Variants in INTU observed in about 807,000 individuals in gnomAD.
INTU encodes the protein protein inturned.
In INTU, 68 loss-of-function variants were observed where a neutral mutation model predicts 100.5. The observed-to-expected ratio is 0.68, with a 90% CI of 0.56 to 0.83. The LOEUF is 0.83. Ranked by LOEUF, INTU falls within the 40% of genes least tolerant of loss-of-function variation. The probability of loss-of-function intolerance (pLI) is 0.00; values close to 1 mark genes in which losing one functional copy is unlikely to be tolerated. For missense variants in INTU, 1,071 were observed against 1,114.7 expected (o/e 0.96, Z 0.56); for synonymous variants, 357 against 395.7 (o/e 0.90, Z 1.16).
rs1050089889 is a variant in INTU, at chr4:127,725,652, C to T, written c.*9216C>T. On this transcript the variant is annotated 3_prime_UTR_variant, in exon 16 of 16. Coordinates refer to ENST00000335251, the MANE Select transcript of INTU (RefSeq NM_015693.4). ...TCCTGGTGTCAGAGAAACATGAGACCATCGCTCAATAATGGAAATAAAAAG... is the reference window on the plus strand; with the variant it reads ...TCCTGGTGTCAGAGAAACATGAGACTATCGCTCAATAATGGAAATAAAAAG... 15 of 152,166 alleles carry T rather than the reference C, an allele frequency of 9.9e-5. No individual in the cohort carries two copies. The highest frequency in any genetic ancestry group is 3.6e-4 in the African/African-American group (15 of 41,514). The allele number at this position is 152,166 out of a possible 1,614,324, so 9.4% of individuals were successfully genotyped here.
chr4:127,661,699 A>G (rs1278418283), intron 3 of INTU, among the ~76,000 whole-genome samples: 2 of 152,142 alleles, frequency 1.3e-5, no homozygotes, highest in African/African-American at 4.8e-5. Flanking sequence ...AATTCCCCAA[A>G]GAGTTCTCAA....
chr4:127,653,002 T>G (rs1457398305), intron 2 of INTU, among the ~76,000 whole-genome samples: 2 of 151,660 alleles, frequency 1.3e-5, no homozygotes, highest in Non-Finnish European at 2.9e-5. Context: ...TTCTAGTTTA[T>G]TTGCGTAGAG....
At chr4:127,711,136 G>C (rs1348727589) in intron 14 of INTU, 34 bp downstream of exon 14, 1 of 1,446,120 alleles carries the variant, frequency 6.9e-7, no homozygotes. Flanking sequence ...TTTTCTGCCA[G>C]TTTAATTTCC....
At chr4:127,664,408 T>C (rs1288827420) in intron 4 of INTU, among the ~76,000 whole-genome samples, 1 of 152,060 alleles carries the variant, frequency 6.6e-6, no homozygotes, top group Non-Finnish European at 1.5e-5. Context: ...TCAAGTTTTA[T>C]CTTTTATTGG....
At chr4:127,645,843 C>G (rs942562725) in intron 2 of INTU, among the ~76,000 whole-genome samples, 5 of 152,144 alleles carry the variant, frequency 3.3e-5, no homozygotes, top group African/African-American at 9.6e-5. Context: ...GGATTACAGG[C>G]GTGAGCCACC....
intron 5 of INTU, among the ~76,000 whole-genome samples, chr4:127,669,407 T>A (rs1195895951): frequency 6.6e-6 from 1 of 151,780 alleles, no homozygotes; most frequent in Non-Finnish European, 1.5e-5. Context: ...GAAGTGTAGA[T>A]TCTCAACACA....
At chr4:127,678,394 G>A (rs568080489) in intron 6 of INTU, among the ~76,000 whole-genome samples, 51 of 152,240 alleles carry the variant, frequency 3.3e-4, no homozygotes, top group Non-Finnish European at 6.3e-4. Context: ...CAGACTAACA[G>A]TGGATCTCTC....
At position 127,700,079 on chromosome 4, in the gene INTU, G is replaced by T; in HGVS notation, c.1503+16G>T. The T allele has an allele frequency of 6.3e-7, 1 of 1,584,486 alleles. No homozygotes were observed. Among genetic ancestry groups the T allele is most frequent in the Non-Finnish European group, 8.6e-7 (1 of 1,161,672 alleles). The stretch of plus-strand genomic sequence containing the variant: ...TGCAGAACTGGTAAGGGAAGGAGTG[G>T]ATTTTATAAAAGGCTCAATGTTGAA... On this transcript the variant is annotated intron_variant, in intron 9 of 15. Coordinates refer to ENST00000335251, the MANE Select transcript of INTU (RefSeq NM_015693.4).
chr4:127,653,198 G>A (rs1366277176), intron 2 of INTU, among the ~76,000 whole-genome samples: 142 of 130,704 alleles, frequency 1.1e-3, no homozygotes, highest in African/African-American at 2.6e-3. Flanking sequence ...ATTTTTTGAA[G>A]GGTTTTTTGT....
At chr4:127,655,043 G>A (rs1300095011) in intron 2 of INTU, among the ~76,000 whole-genome samples, 6 of 151,722 alleles carry the variant, frequency 4.0e-5, no homozygotes, top group Non-Finnish European at 8.8e-5. Flanking sequence ...CATTCTTCAC[G>A]TAGTTCTCGA....
intron 3 of INTU, 74 bp from the exon 4 acceptor site, chr4:127,663,307 C>T (rs951584142): frequency 9.2e-7 from 1 of 1,081,338 alleles, no homozygotes; most frequent in African/African-American, 1.6e-5. Context: ...TGTACATGCA[C>T]AGATCCTTCA....
At chr4:127,714,156 G>T in intron 15 of INTU, 63 bp downstream of exon 15, 1 of 1,345,432 alleles carries the variant, frequency 7.4e-7, no homozygotes, top group Non-Finnish European at 1.0e-6. Context: ...AAGTGGTAAA[G>T]GAGATTAACA....
chr4:127,676,971 C>A (rs750967921), intron 6 of INTU, among the ~76,000 whole-genome samples: 1 of 152,174 alleles, frequency 6.6e-6, no homozygotes, highest in African/African-American at 2.4e-5. Flanking sequence ...TCGGAGGGTC[C>A]TACGCCCACG....
Position 127,707,867 on chromosome 4 carries a change from C to T in INTU, c.2272-704C>T, listed in dbSNP as rs149362203. Among the ~76,000 whole-genome samples, 151 of 152,186 alleles carry T rather than the reference C, an allele frequency of 9.9e-4. 2 individuals are homozygous for T. The highest frequency in any genetic ancestry group is 3.4e-3 in the African/African-American group (140 of 41,504). ...TTTGTACTTATTCTAGTGATGCTGT[C>T]GTCTTTCAAAACATTTTTGAAACTT... On this transcript the variant is annotated intron_variant, in intron 12 of 15. Transcript: ENST00000335251.
intron 3 of INTU, among the ~76,000 whole-genome samples, chr4:127,657,153 G>A (rs1026070847): frequency 6.6e-6 from 1 of 151,728 alleles, no homozygotes; most frequent in Non-Finnish European, 1.5e-5. Context: ...CAAGTTTCTT[G>A]ATTTTTTTTG....
chr4:127,681,105 A>T (rs1470957081), intron 6 of INTU, among the ~76,000 whole-genome samples: 1 of 152,150 alleles, frequency 6.6e-6, no homozygotes, highest in Admixed American at 6.5e-5. Context: ...ATAAAAGAGG[A>T]TACAAACAAA....
chr4:127,680,189 G>T (rs1323302447), intron 6 of INTU, among the ~76,000 whole-genome samples: 1 of 152,050 alleles, frequency 6.6e-6, no homozygotes, highest in African/African-American at 2.4e-5. Flanking sequence ...GGAGAAACTG[G>T]TACCATTCCT....
chr4:127,709,891 C>A (rs1333848371), intron 13 of INTU, among the ~76,000 whole-genome samples: 3 of 152,086 alleles, frequency 2.0e-5, no homozygotes, highest in Non-Finnish European at 4.4e-5. Flanking sequence ...CATTAGAAAT[C>A]TGATGTGTTA....
At chr4:127,683,581 C>T (rs757094456) in intron 6 of INTU, among the ~76,000 whole-genome samples, 5 of 152,092 alleles carry the variant, frequency 3.3e-5, no homozygotes, top group Non-Finnish European at 2.9e-5. Context: ...CACCTCTATG[C>T]CTTTTATAAG....
Sources: allele counts gnomAD v4.1 joint callset (sites outside exome capture counted in the v4.1 genomes callset), GRCh38; gene constraint gnomAD v4.1.1; transcripts MANE v1.5; gene names NCBI Gene and HGNC (gene_info 2026-07-23, HGNC 2026-07-21).